Variants in PDE1A observed in about 807,000 individuals in gnomAD.
PDE1A encodes dual specificity calcium/calmodulin-dependent 3',5'-cyclic nucleotide phosphodiesterase 1A.
In PDE1A, 35 loss-of-function variants were observed where a neutral mutation model predicts 61.7. That is an observed-to-expected ratio of 0.57 (90% CI 0.43 to 0.75). The LOEUF is 0.75. Ranked by LOEUF, PDE1A falls within the 30% of genes least tolerant of loss-of-function variation. The pLI is 0.00. For missense variants in PDE1A, 597 were observed against 630.6 expected (o/e 0.95, Z 0.57); for synonymous variants, 232 against 213.2 (o/e 1.09, Z -0.77).
the PDE1A span, among the ~76,000 whole-genome samples, chr2:182,682,303 T>C: frequency 6.6e-6 from 1 of 152,160 alleles, no homozygotes; most frequent in East Asian, 1.9e-4. Flanking sequence ...AAATCTATCT[T>C]CCTGACCAAC....
chr2:182,198,314 CA>C (rs1327071932), intron 10 of PDE1A, among the ~76,000 whole-genome samples: 1 of 151,828 alleles, frequency 6.6e-6, no homozygotes, highest in African/African-American at 2.4e-5. Flanking sequence ...CATGTTTCTG[CA>C]AATAACAGTT....
chr2:182,285,723 A>T (rs1314253932), intron 1 of PDE1A, among the ~76,000 whole-genome samples: 1 of 152,096 alleles, frequency 6.6e-6, no homozygotes, highest in African/African-American at 2.4e-5. Context: ...TAGTAAGAAC[A>T]TACATATTCC....
intron 1 of PDE1A, among the ~76,000 whole-genome samples, chr2:182,361,370 A>C (rs777728897): frequency 5.3e-5 from 8 of 152,134 alleles, no homozygotes; most frequent in Non-Finnish European, 1.0e-4. Context: ...TTAAATATAA[A>C]GTATTTAATT....
the PDE1A span, among the ~76,000 whole-genome samples, chr2:182,609,325 G>A: frequency 5.3e-5 from 8 of 152,362 alleles, no homozygotes; most frequent in East Asian, 1.9e-4. Context: ...CAGGATGTGC[G>A]TGGCACCAGA....
upstream of PDE1A, among the ~76,000 whole-genome samples, chr2:182,431,992 A>G (rs1703974072): frequency 6.6e-6 from 1 of 152,112 alleles, no homozygotes; most frequent in South Asian, 2.1e-4. Context: ...ATCAAGGTGA[A>G]TTGAATAGGC....
At chr2:182,647,010 T>G in the PDE1A span, among the ~76,000 whole-genome samples, 35 of 152,286 alleles carry the variant, frequency 2.3e-4, no homozygotes, top group Non-Finnish European at 4.1e-4. Context: ...AATGGTAAAG[T>G]AAGAGATTGG....
chr2:182,641,065 A>G, the PDE1A span, among the ~76,000 whole-genome samples: 2 of 151,542 alleles, frequency 1.3e-5, no homozygotes, highest in Admixed American at 6.6e-5. Flanking sequence ...ATACAAAGCA[A>G]GAGAACAAAC....
At chr2:182,579,348 T>C in the PDE1A span, among the ~76,000 whole-genome samples, 1 of 152,184 alleles carries the variant, frequency 6.6e-6, no homozygotes, top group African/African-American at 2.4e-5. Context: ...TGCTCATCTA[T>C]AAAGTGGGAG....
At chr2:182,711,353 G>T in the PDE1A span, among the ~76,000 whole-genome samples, 1 of 152,066 alleles carries the variant, frequency 6.6e-6, no homozygotes, top group Non-Finnish European at 1.5e-5. Flanking sequence ...AGACAGAAGA[G>T]CTACATTTAT....
At chr2:182,184,055 A>AAAGAAAGAAAGAAAGG (rs1473528088) in intron 13 of PDE1A, among the ~76,000 whole-genome samples, 3 of 149,184 alleles carry the variant, frequency 2.0e-5, no homozygotes, top group Admixed American at 2.0e-4. Context: ...AGAAAGAAAG[A>AAAGAAAGAAAGAAAGG]ACAATTAAAG....
At chr2:182,361,264 T>C (rs1484204564) in intron 1 of PDE1A, among the ~76,000 whole-genome samples, 1 of 152,126 alleles carries the variant, frequency 6.6e-6, no homozygotes, top group Non-Finnish European at 1.5e-5. Flanking sequence ...ATGTTAGATA[T>C]ACGTAATGCA....
chr2:182,499,078 C>T lies in PDE1A; in HGVS notation c.101+23198G>A, dbSNP rs1216594820. 2.0e-5 allele frequency among the ~76,000 whole-genome samples: 3 copies of T among 151,794 alleles called. No homozygotes were observed. In the East Asian group the frequency reaches 5.9e-4, roughly 30 times the overall value. ...TCTCAGCTCACTGCAACCTCCGCCT[C>T]CTGTGTTCAAGCAATTCTCCTGCCT... On this transcript the variant is annotated intron_variant, in intron 2 of 14. Transcript: ENST00000410103.
chr2:182,633,994 C>T, the PDE1A span, among the ~76,000 whole-genome samples: 15 of 151,964 alleles, frequency 9.9e-5, no homozygotes, highest in South Asian at 2.1e-4. Context: ...GAAGCTGAGG[C>T]GGGAGGATCC....
chr2:182,353,166 G>A (rs1698986359), intron 1 of PDE1A, among the ~76,000 whole-genome samples: 2 of 152,186 alleles, frequency 1.3e-5, no homozygotes, highest in Admixed American at 1.3e-4. Context: ...GACAGGCCCA[G>A]TAAGTGAAAT....
chr2:182,158,314 G>A (rs966695146), intron 13 of PDE1A, among the ~76,000 whole-genome samples: 3 of 152,220 alleles, frequency 2.0e-5, no homozygotes, highest in African/African-American at 7.2e-5. Flanking sequence ...AAAGACTCAT[G>A]TAACAGGTTA....
At chr2:182,587,346 A>C in the PDE1A span, among the ~76,000 whole-genome samples, 1 of 152,224 alleles carries the variant, frequency 6.6e-6, no homozygotes, top group African/African-American at 2.4e-5. Flanking sequence ...GGGTACTTCC[A>C]TGACAGCCTA....
chr2:182,528,171 T>C (rs1160738280), upstream of PDE1A, among the ~76,000 whole-genome samples: 1 of 152,078 alleles, frequency 6.6e-6, no homozygotes, highest in Non-Finnish European at 1.5e-5. Flanking sequence ...GTGGGAAAGT[T>C]TGGAACTTTC....
intron 7 of PDE1A, among the ~76,000 whole-genome samples, chr2:182,218,275 C>T (rs12615015): frequency 4.6e-5 from 5 of 109,542 alleles, no homozygotes; most frequent in South Asian, 7.8e-4. Context: ...GTTGTGGGGT[C>T]GGGGGAGGGG....
chr2:182,453,638 A>G (rs1685682694), intron 2 of PDE1A, among the ~76,000 whole-genome samples: 1 of 152,192 alleles, frequency 6.6e-6, no homozygotes, highest in Non-Finnish European at 1.5e-5. Flanking sequence ...AATGTAATCC[A>G]GCATATAAAC....
Sources: gnomAD v4.1 joint callset for allele counts (sites outside exome capture counted in the v4.1 genomes callset) on GRCh38, gnomAD v4.1.1 for gene constraint, MANE v1.5 for transcripts, NCBI Gene and HGNC (gene_info 2026-07-23, HGNC 2026-07-21) for gene names.